ARB2A: variants seen among roughly 807,000 people sequenced by gnomAD.
ARB2A encodes ARB2 cotranscriptional regulator A.
the ARB2A span, among the ~76,000 whole-genome samples, chr5:93,895,142 CTG>C: frequency 2.0e-5 from 3 of 152,160 alleles, no homozygotes; most frequent in Admixed American, 2.0e-4. Context: ...AAGCAGTTGT[CTG>C]TGCTCATGCC....
At chr5:93,683,471 A>T in the ARB2A span, 1 of 1,594,944 alleles carries the variant, frequency 6.3e-7, no homozygotes, top group Non-Finnish European at 8.5e-7. Context: ...TGTTGGCTGT[A>T]CAGACATTTT....
chr5:93,706,801 T>C, the ARB2A span, among the ~76,000 whole-genome samples: 1 of 151,056 alleles, frequency 6.6e-6, no homozygotes, highest in Non-Finnish European at 1.5e-5. Flanking sequence ...AGGAGGTGGA[T>C]GTTGCAGTGA....
the ARB2A span, among the ~76,000 whole-genome samples, chr5:93,785,031 C>T: frequency 4.6e-5 from 7 of 152,136 alleles, no homozygotes; most frequent in African/African-American, 1.7e-4. Context: ...TCATTCAAAG[C>T]CTATTAATTT....
chr5:93,811,007 T>C, the ARB2A span, among the ~76,000 whole-genome samples: 4 of 152,268 alleles, frequency 2.6e-5, no homozygotes, highest in African/African-American at 9.6e-5. Context: ...TGTAAAGCAC[T>C]TAAAACAACG....
the ARB2A span, among the ~76,000 whole-genome samples, chr5:93,634,047 A>G: frequency 1.3e-5 from 2 of 152,108 alleles, no homozygotes; most frequent in Non-Finnish European, 2.9e-5. Context: ...ACAGTCGTGA[A>G]CCACTGGGCT....
chr5:93,684,433 C>T, the ARB2A span, among the ~76,000 whole-genome samples: 1 of 152,196 alleles, frequency 6.6e-6, no homozygotes, highest in Non-Finnish European at 1.5e-5. Context: ...TCATTATCAA[C>T]ATCATCACTA....
chr5:93,665,263 G>T, the ARB2A span, among the ~76,000 whole-genome samples: 3 of 152,198 alleles, frequency 2.0e-5, no homozygotes, highest in Non-Finnish European at 4.4e-5. Context: ...TAATAGTGAA[G>T]TTAATAATGA....
chr5:94,026,005 G>A, the ARB2A span, among the ~76,000 whole-genome samples: 4 of 152,214 alleles, frequency 2.6e-5, no homozygotes, highest in African/African-American at 9.6e-5. Flanking sequence ...CGGGCTCCAT[G>A]TGGGGCCTGC....
chr5:94,080,847 T>C, the ARB2A span, among the ~76,000 whole-genome samples: 1 of 152,304 alleles, frequency 6.6e-6, no homozygotes, highest in Middle Eastern at 3.4e-3. Context: ...TCTAAAAATA[T>C]TTTATACCCC....
chr5:93,826,981 A>T, the ARB2A span, among the ~76,000 whole-genome samples: 2 of 151,732 alleles, frequency 1.3e-5, no homozygotes, highest in African/African-American at 2.4e-5. Flanking sequence ...ACGTTTTTTT[A>T]ATCCGGTCTA....
At chr5:93,713,846 C>T in the ARB2A span, among the ~76,000 whole-genome samples, 1 of 152,250 alleles carries the variant, frequency 6.6e-6, no homozygotes, top group Admixed American at 6.5e-5. Flanking sequence ...TCCTGTGGGT[C>T]CTCCTAAGAG....
the ARB2A span, among the ~76,000 whole-genome samples, chr5:93,899,838 G>C: frequency 1.2e-4 from 18 of 152,142 alleles, no homozygotes; most frequent in African/African-American, 3.9e-4. Context: ...TGTACTTTTT[G>C]GTGCCTATGG....
chr5:93,858,402 C>T, the ARB2A span, among the ~76,000 whole-genome samples: 1 of 152,186 alleles, frequency 6.6e-6, no homozygotes, highest in African/African-American at 2.4e-5. Context: ...ATCCAAATTC[C>T]CAGATGATAA....
At chr5:94,028,848 G>C in the ARB2A span, among the ~76,000 whole-genome samples, 99 of 152,142 alleles carry the variant, frequency 6.5e-4, no homozygotes, top group African/African-American at 1.9e-3. Flanking sequence ...CTAAGAATAA[G>C]AACATTTCTC....
At chr5:94,043,831 A>T in the ARB2A span, among the ~76,000 whole-genome samples, 1 of 152,256 alleles carries the variant, frequency 6.6e-6, no homozygotes, top group Non-Finnish European at 1.5e-5. Context: ...GAGTTCCATC[A>T]AAGCCAATTT....
the ARB2A span, among the ~76,000 whole-genome samples, chr5:93,634,308 G>T: frequency 1.3e-5 from 2 of 151,834 alleles, no homozygotes; most frequent in South Asian, 2.1e-4. Flanking sequence ...GCTGAGGGGG[G>T]AGAATCGCTG....
the ARB2A span, among the ~76,000 whole-genome samples, chr5:93,820,314 A>C: frequency 1.3e-5 from 2 of 152,180 alleles, no homozygotes. Flanking sequence ...ATTAAATAAA[A>C]AATTAAAGGT....
chr5:93,654,700 C>T, the ARB2A span, among the ~76,000 whole-genome samples: 1 of 152,140 alleles, frequency 6.6e-6, no homozygotes, highest in Non-Finnish European at 1.5e-5. Flanking sequence ...TTATCAAATC[C>T]CTCCTTGTTA....
At chr5:93,623,262 A>G in the ARB2A span, among the ~76,000 whole-genome samples, 1 of 152,074 alleles carries the variant, frequency 6.6e-6, no homozygotes, top group African/African-American at 2.4e-5. Context: ...AGCCAAAAAA[A>G]AAAAAAAAGG....
Sources: allele counts gnomAD v4.1 joint callset (sites outside exome capture counted in the v4.1 genomes callset), GRCh38; gene constraint gnomAD v4.1.1; transcripts MANE v1.5; gene names NCBI Gene and HGNC (gene_info 2026-07-23, HGNC 2026-07-21).